The following ULK4 variants were observed in gnomAD, a reference collection of about 807,000 sequenced individuals.
ULK4 encodes the protein inactive serine/threonine-protein kinase ULK4.
ULK4 carries 133 observed loss-of-function variants against 160.6 expected under a neutral mutation model. The ratio of observed to expected loss-of-function variants is 0.83; its 90% CI spans 0.72 to 0.96. The LOEUF (loss-of-function observed/expected upper bound fraction) is 0.96, where lower values mean the gene tolerates loss of function less well. Among genes scored for constraint, ULK4 ranks in the 40% least tolerant of loss-of-function variants. ULK4 has a pLI of 0.00. For synonymous variants in ULK4, 534 were observed against 539.8 expected (o/e 0.99, Z 0.15); for missense variants, 1,580 against 1,499.5 (o/e 1.05, Z -0.89).
rs575858533 is a variant in ULK4 at position 41,324,682 on chromosome 3, T to C, written c.3678+73397A>G. ...AGGGGGTTTGAACAAGTGGAAAGCA[T>C]GATGGGGGAACAACATAAACAAAAG... On this transcript the variant is annotated intron_variant, in intron 35 of 36. Coordinates refer to ENST00000301831, the MANE Select transcript of ULK4 (RefSeq NM_017886.4). 2.6e-5 allele frequency among the ~76,000 whole-genome samples: 4 copies of C among 152,166 alleles called. No homozygotes were observed. In the East Asian group the frequency reaches 7.7e-4, roughly 29 times the overall value.
chr3:41,284,887 C>T (rs2079428302), intron 35 of ULK4, among the ~76,000 whole-genome samples: 3 of 151,856 alleles, frequency 2.0e-5, no homozygotes, highest in African/African-American at 7.3e-5. Context: ...CACACTCAAA[C>T]AAATCAGTAT....
intron 33 of ULK4, among the ~76,000 whole-genome samples, chr3:41,460,104 A>T (rs141154409): frequency 6.6e-6 from 1 of 152,294 alleles, no homozygotes; most frequent in Non-Finnish European, 1.5e-5. Flanking sequence ...CCCCTAAAAT[A>T]GCCCCCAACT....
In ULK4 at chr3:41,680,176, A is replaced by AT. The variant is rs373361865; in HGVS notation, c.2978+1331dup. Among the ~76,000 whole-genome samples, 452 of 152,390 alleles carry AT rather than the reference A, an allele frequency of 3.0e-3. 2 individuals are homozygous for AT. The highest frequency in any genetic ancestry group is 0.01 in the African/African-American group (431 of 41,596). The stretch of plus-strand genomic sequence containing the variant: ...GGGTATAATCTTTTATTGAATTCAC[A>AT]TAAGTATAGATCACAGACATACACT... On this transcript the variant is annotated intron_variant, in intron 29 of 36. Coordinates refer to ENST00000301831, the MANE Select transcript of ULK4 (RefSeq NM_017886.4).
At chr3:41,499,344 T>C (rs191965751) in intron 32 of ULK4, among the ~76,000 whole-genome samples, 14 of 152,338 alleles carry the variant, frequency 9.2e-5, no homozygotes, top group Non-Finnish European at 1.9e-4. Flanking sequence ...TGAACTCCCC[T>C]GGGCAATCAA....
chr3:41,417,845 A>G (rs556218184), intron 34 of ULK4, among the ~76,000 whole-genome samples: 3 of 152,358 alleles, frequency 2.0e-5, no homozygotes, highest in African/African-American at 4.8e-5. Context: ...AATTAAAAAC[A>G]TACTAACTAC....
At chr3:41,761,798 T>C (rs2038992703) in intron 21 of ULK4, among the ~76,000 whole-genome samples, 1 of 152,100 alleles carries the variant, frequency 6.6e-6, no homozygotes, top group East Asian at 1.9e-4. Flanking sequence ...GAAATTAGGC[T>C]GTCATGGTGG....
At chr3:41,508,909 C>G (rs1396595233) in intron 32 of ULK4, among the ~76,000 whole-genome samples, 2 of 152,054 alleles carry the variant, frequency 1.3e-5, no homozygotes, top group Non-Finnish European at 2.9e-5. Context: ...TATGACAAAA[C>G]AAGGTAGATT....
chr3:41,607,159 T>C (rs540041629), intron 31 of ULK4, among the ~76,000 whole-genome samples: 114 of 152,254 alleles, frequency 7.5e-4, no homozygotes, highest in African/African-American at 2.5e-3. Context: ...CAAGCCACCA[T>C]AGTGATGGAT....
intron 32 of ULK4, among the ~76,000 whole-genome samples, chr3:41,526,504 A>G (rs1396023401): frequency 6.6e-6 from 1 of 152,220 alleles, no homozygotes; most frequent in Non-Finnish European, 1.5e-5. Flanking sequence ...ACCAGAGATG[A>G]CAGAAATGGT....
intron 34 of ULK4, among the ~76,000 whole-genome samples, chr3:41,400,343 G>T (rs910959950): frequency 6.6e-6 from 1 of 151,678 alleles, no homozygotes; most frequent in African/African-American, 2.4e-5. Flanking sequence ...TCCCATTATA[G>T]TAAGAGCCAA....
intron 25 of ULK4, among the ~76,000 whole-genome samples, chr3:41,710,277 C>A (rs1206597247): frequency 6.6e-6 from 1 of 151,948 alleles, no homozygotes; most frequent in Non-Finnish European, 1.5e-5. Flanking sequence ...TGATATATTT[C>A]TTCCTTCTCA....
chr3:41,887,998 AC>A (rs944325860), intron 16 of ULK4, among the ~76,000 whole-genome samples: 10 of 152,010 alleles, frequency 6.6e-5, no homozygotes, highest in Admixed American at 2.0e-4. Context: ...CCCTGTCTCC[AC>A]AAAAAGAAAA....
chr3:41,764,821 G>A (rs2039105157), intron 21 of ULK4, among the ~76,000 whole-genome samples: 1 of 152,186 alleles, frequency 6.6e-6, no homozygotes, highest in Non-Finnish European at 1.5e-5. Flanking sequence ...TAGCCCTGAG[G>A]TAAGGACTGA....
chr3:41,825,694 G>A (rs1396784079), intron 18 of ULK4, among the ~76,000 whole-genome samples: 1 of 152,226 alleles, frequency 6.6e-6, no homozygotes. Context: ...TGGTGTACCT[G>A]AAAGTGACAG....
intron 32 of ULK4, among the ~76,000 whole-genome samples, chr3:41,519,912 T>G (rs549809100): frequency 6.6e-6 from 1 of 152,172 alleles, no homozygotes; most frequent in African/African-American, 2.4e-5. Context: ...CTTTCCAAAC[T>G]GTGGAATAAT....
chr3:41,254,612 T>A (rs1227084922), intron 35 of ULK4, among the ~76,000 whole-genome samples: 1 of 152,146 alleles, frequency 6.6e-6, no homozygotes, highest in Non-Finnish European at 1.5e-5. Context: ...CCGGGCGCGG[T>A]GGCTCACACC....
At chr3:41,403,036 G>A (rs2082215949) in intron 34 of ULK4, among the ~76,000 whole-genome samples, 1 of 152,000 alleles carries the variant, frequency 6.6e-6, no homozygotes, top group Admixed American at 6.6e-5. Flanking sequence ...TGTAATCCCA[G>A]CTACTTGGGA....
At chr3:41,804,775 C>T (rs1272871679) in intron 19 of ULK4, among the ~76,000 whole-genome samples, 1 of 152,138 alleles carries the variant, frequency 6.6e-6, no homozygotes, top group Non-Finnish European at 1.5e-5. Context: ...TCAGGTTTGT[C>T]AAAGATCAGA....
At position 41,285,430 on chromosome 3, in the gene ULK4, G is replaced by T. The variant is rs532062525; in HGVS notation, c.3679-35856C>A. ...CAGCCATAAAAAGGAATGAATTAAC[G>T]GCATTTGCAGCGACCTGGATGAGAT... On this transcript the variant is annotated intron_variant, in intron 35 of 36. Transcript: ENST00000301831. 9.9e-5 allele frequency among the ~76,000 whole-genome samples: 15 copies of T among 152,250 alleles called. No homozygotes were observed. The South Asian group carries it at 2.9e-3, about 30-fold the overall frequency.
Sources: allele counts gnomAD v4.1 joint callset (sites outside exome capture counted in the v4.1 genomes callset), GRCh38; gene constraint gnomAD v4.1.1; transcripts MANE v1.5; gene names NCBI Gene and HGNC (gene_info 2026-07-23, HGNC 2026-07-21).